The following SH3RF3 variants were observed in gnomAD, a reference collection of about 807,000 sequenced individuals.
The protein encoded by SH3RF3 is E3 ubiquitin-protein ligase SH3RF3.
SH3RF3 carries 29 observed loss-of-function variants against 66.3 expected under a neutral mutation model. The ratio of observed to expected loss-of-function variants is 0.44; its 90% CI spans 0.33 to 0.60. SH3RF3 has a LOEUF of 0.60. Ranked by LOEUF, SH3RF3 falls within the 20% of genes least tolerant of loss-of-function variation. SH3RF3 has a pLI of 0.04. For missense variants in SH3RF3, 1,194 were observed against 1,190.9 expected (o/e 1.00, Z -0.04); for synonymous variants, 583 against 532.0 (o/e 1.10, Z -1.32).
In SH3RF3 at chr2:109,469,425, C is replaced by T. The variant is rs142955343; in HGVS notation, c.2148+19936C>T. ...TCTGTTGGTTTTCCATGCATGCATC[C>T]GCTGCTCTGTCGAGGAAGGGTTTGA... On this transcript the variant is annotated intron_variant, in intron 8 of 9. Coordinates refer to ENST00000309415, the MANE Select transcript of SH3RF3 (RefSeq NM_001099289.3). Among the ~76,000 whole-genome samples the T allele has an allele frequency of 7.8e-3, 1,186 of 152,236 alleles. 14 individuals carry two copies. The highest frequency in any genetic ancestry group is 0.027 in the African/African-American group (1,117 of 41,542).
intron 1 of SH3RF3, among the ~76,000 whole-genome samples, chr2:109,341,657 C>A (rs1033708680): frequency 6.6e-6 from 1 of 152,166 alleles, no homozygotes; most frequent in African/African-American, 2.4e-5. Flanking sequence ...CACCCCAAGA[C>A]CCAGGTTTCT....
intron 1 of SH3RF3, among the ~76,000 whole-genome samples, chr2:109,266,419 C>T (rs1359204372): frequency 6.6e-6 from 1 of 152,042 alleles, no homozygotes; most frequent in African/African-American, 2.4e-5. Flanking sequence ...CAACAAGACT[C>T]GCAGGAACAA....
intron 1 of SH3RF3, among the ~76,000 whole-genome samples, chr2:109,294,629 A>G (rs1023045770): frequency 1.3e-5 from 2 of 151,574 alleles, no homozygotes; most frequent in African/African-American, 4.9e-5. Context: ...CCATCCTTGC[A>G]TTCTTCCATC....
chr2:109,274,756 C>A (rs567488825), intron 1 of SH3RF3, among the ~76,000 whole-genome samples: 11 of 152,038 alleles, frequency 7.2e-5, no homozygotes, highest in Non-Finnish European at 1.0e-4. Flanking sequence ...TTAAATTGTT[C>A]ACTTTAAAAT....
At chr2:109,327,743 A>T (rs1682191590) in intron 1 of SH3RF3, among the ~76,000 whole-genome samples, 1 of 152,266 alleles carries the variant, frequency 6.6e-6, no homozygotes, top group Non-Finnish European at 1.5e-5. Flanking sequence ...AAAAATATAA[A>T]GTATTTTTAA....
intron 1 of SH3RF3, among the ~76,000 whole-genome samples, chr2:109,325,661 G>A (rs1682136725): frequency 1.3e-5 from 2 of 152,094 alleles, no homozygotes; most frequent in Admixed American, 6.5e-5. Flanking sequence ...AGCACTGATC[G>A]CTAGAAGGTT....
chr2:109,339,928 G>A (rs1187479400), intron 1 of SH3RF3, among the ~76,000 whole-genome samples: 1 of 152,202 alleles, frequency 6.6e-6, no homozygotes, highest in East Asian at 1.9e-4. Flanking sequence ...CGCCTTTTGG[G>A]GGAGTGAGGA....
At chr2:109,252,643 C>T (rs915020240) in intron 1 of SH3RF3, among the ~76,000 whole-genome samples, 3 of 152,192 alleles carry the variant, frequency 2.0e-5, no homozygotes, top group African/African-American at 4.8e-5. Context: ...AAGTTGAAAA[C>T]GCATGTAATA....
chr2:109,356,370 A>G (rs1682944376), intron 2 of SH3RF3, among the ~76,000 whole-genome samples: 1 of 152,172 alleles, frequency 6.6e-6, no homozygotes, highest in Non-Finnish European at 1.5e-5. Context: ...CACTGCAGCT[A>G]GGTCTATGTT....
At chr2:109,411,974 G>A (rs2104489838) in intron 4 of SH3RF3, among the ~76,000 whole-genome samples, 1 of 152,308 alleles carries the variant, frequency 6.6e-6, no homozygotes, top group South Asian at 2.1e-4. Context: ...CTGTGTCAGG[G>A]TGGCCAAGGC....
chr2:109,485,151 G>A (rs772092879), intron 8 of SH3RF3, among the ~76,000 whole-genome samples: 23 of 152,208 alleles, frequency 1.5e-4, no homozygotes, highest in Non-Finnish European at 2.8e-4. Context: ...CTGACCCAGC[G>A]TTTGGTGTGT....
At chr2:109,463,625 A>G (rs1678263655) in intron 8 of SH3RF3, among the ~76,000 whole-genome samples, 1 of 152,214 alleles carries the variant, frequency 6.6e-6, no homozygotes, top group Non-Finnish European at 1.5e-5. Flanking sequence ...GGACTCTGGA[A>G]GCAATGGGGA....
chr2:109,164,841 C>G (rs1317108808), intron 1 of SH3RF3, among the ~76,000 whole-genome samples: 6 of 152,204 alleles, frequency 3.9e-5, no homozygotes, highest in African/African-American at 4.8e-5. Flanking sequence ...CTTCCCCTTT[C>G]TTCCTGTTTC....
chr2:109,153,930 A>G (rs754495593), intron 1 of SH3RF3, among the ~76,000 whole-genome samples: 13 of 152,236 alleles, frequency 8.5e-5, no homozygotes, highest in Non-Finnish European at 1.6e-4. Context: ...ATGAAGTGCA[A>G]TTATAAAATT....
At chr2:109,166,458 A>G (rs558537366) in intron 1 of SH3RF3, among the ~76,000 whole-genome samples, 24 of 108,274 alleles carry the variant, frequency 2.2e-4, no homozygotes, top group African/African-American at 7.2e-4. Flanking sequence ...GCCTGGTGAC[A>G]GAAAAAAAAA....
intron 1 of SH3RF3, among the ~76,000 whole-genome samples, chr2:109,141,947 G>A (rs377579478): frequency 3.3e-5 from 5 of 152,124 alleles, no homozygotes; most frequent in South Asian, 2.1e-4. Flanking sequence ...CTACACTCAC[G>A]GAAGTCTCAA....
intron 8 of SH3RF3, among the ~76,000 whole-genome samples, chr2:109,468,494 G>A (rs111751772): frequency 6.6e-6 from 1 of 152,118 alleles, no homozygotes; most frequent in African/African-American, 2.4e-5. Flanking sequence ...TCTCAGAGAG[G>A]GCAGGAAGCA....
intron 1 of SH3RF3, among the ~76,000 whole-genome samples, chr2:109,189,354 T>C (rs1217440494): frequency 6.9e-6 from 1 of 144,936 alleles, no homozygotes; most frequent in Non-Finnish European, 1.5e-5. Flanking sequence ...AACTTACGTG[T>C]TCAGTCGTTT....
intron 4 of SH3RF3, among the ~76,000 whole-genome samples, chr2:109,411,894 G>A (rs1208587550): frequency 6.6e-6 from 1 of 152,228 alleles, no homozygotes; most frequent in African/African-American, 2.4e-5. Context: ...GCCATATCAA[G>A]TGTCAGCTGA....
Sources: allele counts gnomAD v4.1 joint callset (sites outside exome capture counted in the v4.1 genomes callset), GRCh38; gene constraint gnomAD v4.1.1; transcripts MANE v1.5; gene names NCBI Gene and HGNC (gene_info 2026-07-23, HGNC 2026-07-21).